The following BCKDHB variants were observed in gnomAD, a reference collection of about 807,000 sequenced individuals.
The protein encoded by BCKDHB is 2-oxoisovalerate dehydrogenase subunit beta, mitochondrial.
Under a neutral mutation model 48.5 loss-of-function variants are expected in BCKDHB, and 41 were observed. The observed-to-expected ratio is 0.85, with a 90% CI of 0.66 to 1.10. The LOEUF (loss-of-function observed/expected upper bound fraction) is 1.10, where lower values mean the gene tolerates loss of function less well. Ranked by LOEUF, BCKDHB falls within the 50% of genes least tolerant of loss-of-function variation. BCKDHB has a pLI of 0.00. For synonymous variants in BCKDHB, 201 were observed against 174.8 expected (o/e 1.15, Z -1.18); for missense variants, 496 against 494.2 (o/e 1.00, Z -0.03).
At chr6:80,220,304 G>GTTTTTTTTT (rs56967096) in intron 8 of BCKDHB, among the ~76,000 whole-genome samples, 8 of 60,862 alleles carry the variant, frequency 1.3e-4, no homozygotes, top group East Asian at 5.8e-4. Context: ...CATGCTATTT[G>GTTTTTTTTT]TTTTTTTTTT....
chr6:80,114,023 G>A lies in BCKDHB; in HGVS notation c.196+7134G>A, dbSNP rs370529651. Among the ~76,000 whole-genome samples the A allele has an allele frequency of 3.6e-4, 55 of 152,232 alleles. No homozygotes were observed. In the South Asian group the frequency reaches 8.1e-3, roughly 22 times the overall value. On this transcript the variant is annotated intron_variant, in intron 1 of 9. Transcript: ENST00000320393. ...GGAGGGGATCAATCAAAGGTACTTC[G>A]AATTTTTTCATCTGCCACGCAGAAA...
Position 80,203,290 on chromosome 6 carries a change from TTTGAAA to T in BCKDHB, c.951+82_951+87del. ...ATGTTGTATATTTGCAAATAATTCT[TTTGAAA>T]TTGTGAGCTATGTGAGCATTTTCAA... is the stretch of plus-strand genomic sequence containing the variant. On this transcript the variant is annotated intron_variant, in intron 8 of 9. Coordinates refer to ENST00000320393, the MANE Select transcript of BCKDHB (RefSeq NM_183050.4). 4.7e-6 allele frequency: 5 copies of T among 1,062,906 alleles called. No individual in the cohort carries two copies. In the East Asian group the frequency reaches 9.6e-5, roughly 20 times the overall value. 65.8% of individuals were successfully genotyped at this position (1,062,906 alleles called of 1,614,324 possible). A position where few individuals can be genotyped will look rare whatever the true frequency, so the allele number is the denominator to read the frequency against.
intron 6 of BCKDHB, among the ~76,000 whole-genome samples, chr6:80,177,443 A>G (rs552881136): frequency 6.6e-6 from 1 of 152,274 alleles, no homozygotes; most frequent in Non-Finnish European, 1.5e-5. Context: ...AAACCAAAGC[A>G]ATAACCAGAA....
chr6:80,253,899 T>A (rs1776939095), intron 8 of BCKDHB, among the ~76,000 whole-genome samples: 1 of 151,914 alleles, frequency 6.6e-6, no homozygotes, highest in Non-Finnish European at 1.5e-5. Context: ...TTAAATAAGT[T>A]ATTATTAAAA....
the BCKDHB span, among the ~76,000 whole-genome samples, chr6:80,404,440 T>A: frequency 3.1e-4 from 44 of 139,814 alleles, no homozygotes; most frequent in African/African-American, 1.0e-3. Context: ...ATAATTTTAT[T>A]TATTTGAGTC....
At chr6:80,408,997 T>G in the BCKDHB span, among the ~76,000 whole-genome samples, 1 of 152,088 alleles carries the variant, frequency 6.6e-6, no homozygotes, top group African/African-American at 2.4e-5. Context: ...CTTGCTTTCT[T>G]TTGCGGGCAT....
rs560721345 is a variant in BCKDHB, at chr6:80,191,188, T to C, written c.743-9746T>C. 2.3e-4 allele frequency among the ~76,000 whole-genome samples: 35 copies of C among 152,348 alleles called. No homozygotes were observed. The South Asian group carries it at 7.0e-3, about 31-fold the overall frequency. On this transcript the variant is annotated intron_variant, in intron 6 of 9. Transcript: ENST00000320393. ...GAGGTTGCCCTCGAGAAGAGGGTGC[T>C]CATCAATAAAATCAACAGTTGTCAT...
rs920666997 is a variant in BCKDHB at position 80,314,530 on chromosome 6, G to A, written c.1039-29134G>A. On this transcript the variant is annotated intron_variant, in intron 9 of 9. Transcript: ENST00000320393. The stretch of plus-strand genomic sequence containing the variant: ...CTGTAGTACACAGAGGGAGGTGGCT[G>A]GAGACCCCAAGTGGGAGGACCCACC... Among the ~76,000 whole-genome samples the A allele has an allele frequency of 5.3e-5, 8 of 152,196 alleles. No individual in the cohort carries two copies. The South Asian group carries it at 1.7e-3, about 32-fold the overall frequency.
chr6:80,135,406 G>A (rs545557951), intron 3 of BCKDHB, among the ~76,000 whole-genome samples: 1 of 152,160 alleles, frequency 6.6e-6, no homozygotes, highest in African/African-American at 2.4e-5. Flanking sequence ...CAAGCAGATT[G>A]AATACCAGAT....
chr6:80,269,681 T>C (rs1254791054), intron 8 of BCKDHB, among the ~76,000 whole-genome samples: 2 of 152,164 alleles, frequency 1.3e-5, no homozygotes, highest in African/African-American at 2.4e-5. Context: ...AAAAGTTGTT[T>C]AAACACTTTT....
intron 3 of BCKDHB, among the ~76,000 whole-genome samples, chr6:80,133,946 C>T (rs538086739): frequency 6.6e-6 from 1 of 152,206 alleles, no homozygotes; most frequent in East Asian, 1.9e-4. Flanking sequence ...CCTGGTGTCA[C>T]ACATGCTTTC....
intron 6 of BCKDHB, among the ~76,000 whole-genome samples, chr6:80,200,722 A>G (rs1774350177): frequency 6.6e-6 from 1 of 152,044 alleles, no homozygotes; most frequent in Admixed American, 6.6e-5. Context: ...AAGATAGCTG[A>G]TATGTTTTAT....
At chr6:80,264,880 G>A (rs970538829) in intron 8 of BCKDHB, among the ~76,000 whole-genome samples, 2 of 151,826 alleles carry the variant, frequency 1.3e-5, no homozygotes, top group Non-Finnish European at 2.9e-5. Context: ...TAAAACAGGG[G>A]GATTAAAAAA....
chr6:80,458,981 A>T, the BCKDHB span, among the ~76,000 whole-genome samples: 1 of 152,288 alleles, frequency 6.6e-6, no homozygotes, highest in East Asian at 1.9e-4. Flanking sequence ...AAAATATAAT[A>T]AGTGCTGTTG....
the BCKDHB span, among the ~76,000 whole-genome samples, chr6:80,414,600 T>C: frequency 6.6e-6 from 1 of 152,304 alleles, no homozygotes; most frequent in Non-Finnish European, 1.5e-5. Context: ...GGGTTCTCTA[T>C]TCTGTTCTAT....
chr6:80,145,166 C>T (rs1771420196), intron 3 of BCKDHB, among the ~76,000 whole-genome samples: 1 of 152,086 alleles, frequency 6.6e-6, no homozygotes, highest in South Asian at 2.1e-4. Context: ...GTGTTTTTTC[C>T]CTTCCAGATC....
At chr6:80,197,518 C>T (rs1053868209) in intron 6 of BCKDHB, among the ~76,000 whole-genome samples, 2 of 152,126 alleles carry the variant, frequency 1.3e-5, no homozygotes, top group Non-Finnish European at 2.9e-5. Flanking sequence ...ATTAATTGCT[C>T]ATTGGCAACC....
intron 9 of BCKDHB, among the ~76,000 whole-genome samples, chr6:80,334,524 G>T (rs1769473850): frequency 6.6e-6 from 1 of 151,856 alleles, no homozygotes; most frequent in Non-Finnish European, 1.5e-5. Context: ...TAGTAAAATT[G>T]CAGTGATCTG....
At chr6:80,445,219 T>C in the BCKDHB span, among the ~76,000 whole-genome samples, 1 of 152,182 alleles carries the variant, frequency 6.6e-6, no homozygotes, top group East Asian at 1.9e-4. Flanking sequence ...TTGCAGTTAG[T>C]AGGACAAGGA....
Sources: gnomAD v4.1 joint callset for allele counts (sites outside exome capture counted in the v4.1 genomes callset) on GRCh38, gnomAD v4.1.1 for gene constraint, MANE v1.5 for transcripts, NCBI Gene and HGNC (gene_info 2026-07-23, HGNC 2026-07-21) for gene names.